Variants in LINGO2 observed in about 807,000 individuals in gnomAD.
LINGO2 encodes leucine-rich repeat and immunoglobulin-like domain-containing nogo receptor-interacting protein 2.
Under a neutral mutation model 30.6 loss-of-function variants are expected in LINGO2, and 14 were observed. The observed-to-expected ratio is 0.46, with a 90% confidence interval of 0.30 to 0.72. The LOEUF is 0.72. Among genes scored for constraint, LINGO2 ranks in the 30% least tolerant of loss-of-function variants. The pLI is 0.07. For missense variants in LINGO2, 729 were observed against 751.7 expected (o/e 0.97, Z 0.35); for synonymous variants, 317 against 288.5 (o/e 1.10, Z -1.00).
chr9:28,986,229 TTTAA>T, the LINGO2 span, among the ~76,000 whole-genome samples: 1 of 152,092 alleles, frequency 6.6e-6, no homozygotes, highest in African/African-American at 2.4e-5. Flanking sequence ...TGTGTGTGTG[TTTAA>T]TTAATTAATT....
At chr9:28,053,255 G>C (rs948747747) in intron 4 of LINGO2, among the ~76,000 whole-genome samples, 18 of 152,074 alleles carry the variant, frequency 1.2e-4, no homozygotes, top group African/African-American at 4.3e-4. Flanking sequence ...GACAAGGAGA[G>C]AGAGGGGCTC....
At chr9:28,802,997 T>C in the LINGO2 span, among the ~76,000 whole-genome samples, 2 of 152,016 alleles carry the variant, frequency 1.3e-5, no homozygotes, top group Non-Finnish European at 2.9e-5. Flanking sequence ...ATGTTAGAAA[T>C]AGAAAGAACT....
chr9:28,474,058 T>A (rs1417488375), intron 2 of LINGO2, among the ~76,000 whole-genome samples: 1 of 152,196 alleles, frequency 6.6e-6, no homozygotes, highest in African/African-American at 2.4e-5. Context: ...AAAATAATTA[T>A]TAATAAAATA....
chr9:28,321,739 A>T (rs1281624449), intron 3 of LINGO2, among the ~76,000 whole-genome samples: 1 of 152,156 alleles, frequency 6.6e-6, no homozygotes, highest in East Asian at 1.9e-4. Flanking sequence ...CTTATATTCA[A>T]ATTCAGATTG....
At chr9:28,498,920 T>C (rs1001225955) in intron 1 of LINGO2, among the ~76,000 whole-genome samples, 31 of 152,136 alleles carry the variant, frequency 2.0e-4, no homozygotes, top group African/African-American at 7.5e-4. Context: ...GCAATAAAGG[T>C]AAATATTATA....
intron 2 of LINGO2, among the ~76,000 whole-genome samples, chr9:28,401,906 A>G (rs536330273): frequency 6.6e-6 from 1 of 152,016 alleles, no homozygotes; most frequent in African/African-American, 2.4e-5. Flanking sequence ...GCTTTTTTTC[A>G]TATATCTGTT....
the LINGO2 span, among the ~76,000 whole-genome samples, chr9:29,130,840 G>A: frequency 1.6e-4 from 24 of 152,126 alleles, no homozygotes; most frequent in South Asian, 4.0e-3. Flanking sequence ...TGCTGGTCAT[G>A]CCTTCTAAAG....
intron 4 of LINGO2, among the ~76,000 whole-genome samples, chr9:28,227,187 T>G (rs895840250): frequency 1.3e-5 from 2 of 152,104 alleles, no homozygotes; most frequent in African/African-American, 4.8e-5. Flanking sequence ...GAAGCTCTGA[T>G]AATGTATGCA....
intron 4 of LINGO2, among the ~76,000 whole-genome samples, chr9:28,045,947 GA>G (rs1487962464): frequency 6.6e-6 from 1 of 152,132 alleles, no homozygotes; most frequent in Non-Finnish European, 1.5e-5. Context: ...GTTAAACTAT[GA>G]TAACTCAGGT....
chr9:28,863,997 C>T, the LINGO2 span, among the ~76,000 whole-genome samples: 1 of 152,024 alleles, frequency 6.6e-6, no homozygotes, highest in South Asian at 2.1e-4. Context: ...CAGGGTTCTG[C>T]TCATCAAAAT....
At chr9:28,583,557 A>G (rs748741374) in intron 1 of LINGO2, among the ~76,000 whole-genome samples, 2 of 151,970 alleles carry the variant, frequency 1.3e-5, no homozygotes, top group Non-Finnish European at 2.9e-5. Context: ...AATAATAGCA[A>G]TTTTTTCAGA....
intron 2 of LINGO2, among the ~76,000 whole-genome samples, chr9:28,390,618 A>G (rs1406190194): frequency 6.6e-6 from 1 of 151,718 alleles, no homozygotes; most frequent in Non-Finnish European, 1.5e-5. Context: ...TTACGATCAC[A>G]GCCCTTGTAG....
intron 4 of LINGO2, among the ~76,000 whole-genome samples, chr9:28,222,115 G>C (rs1473580109): frequency 6.6e-6 from 1 of 152,098 alleles, no homozygotes; most frequent in Admixed American, 6.5e-5. Context: ...AACAAAGGAA[G>C]ATAAAAATAT....
the LINGO2 span, among the ~76,000 whole-genome samples, chr9:29,141,565 A>G: frequency 1.3e-5 from 2 of 151,886 alleles, no homozygotes; most frequent in Non-Finnish European, 2.9e-5. Context: ...AATTACTTGA[A>G]ATGTAAATTG....
intron 3 of LINGO2, among the ~76,000 whole-genome samples, chr9:28,299,984 A>G (rs1824075271): frequency 6.6e-6 from 1 of 152,070 alleles, no homozygotes; most frequent in South Asian, 2.1e-4. Context: ...TTTTTTTGTA[A>G]ATGGTGTTTC....
chr9:29,108,965 G>C, the LINGO2 span, among the ~76,000 whole-genome samples: 5 of 152,132 alleles, frequency 3.3e-5, no homozygotes, highest in Admixed American at 1.3e-4. Context: ...CCTTGACTTA[G>C]ATGAAATTTA....
chr9:28,169,199 TC>T (rs1234592724), intron 4 of LINGO2, among the ~76,000 whole-genome samples: 1 of 152,184 alleles, frequency 6.6e-6, no homozygotes, highest in Non-Finnish European at 1.5e-5. Flanking sequence ...CAATTCACTC[TC>T]CCACATAGTT....
At chr9:28,099,579 C>T (rs1021690371) in intron 4 of LINGO2, among the ~76,000 whole-genome samples, 2 of 152,188 alleles carry the variant, frequency 1.3e-5, no homozygotes, top group Non-Finnish European at 2.9e-5. Context: ...GCCCAAGCCA[C>T]CACTGTATCT....
chr9:28,823,241 T>C, the LINGO2 span, among the ~76,000 whole-genome samples: 15,364 of 152,150 alleles, frequency 0.1, 906 homozygotes, highest in African/African-American at 0.16. Context: ...TAGGGGGAAT[T>C]ATAAATAAAA....
Sources: gnomAD v4.1 joint callset for allele counts (sites outside exome capture counted in the v4.1 genomes callset) on GRCh38, gnomAD v4.1.1 for gene constraint, MANE v1.5 for transcripts, NCBI Gene and HGNC (gene_info 2026-07-23, HGNC 2026-07-21) for gene names.